Variants in SYTL2 observed in about 807,000 individuals in gnomAD.
SYTL2 encodes synaptotagmin like 2.
In SYTL2, 165 loss-of-function variants were observed where a neutral mutation model predicts 198.7. The observed-to-expected ratio is 0.83, with a 90% CI of 0.73 to 0.94. SYTL2 has a LOEUF of 0.94. Ranked by LOEUF, SYTL2 falls within the 40% of genes least tolerant of loss-of-function variation. The pLI, the probability that SYTL2 is intolerant of heterozygous loss-of-function variation, is 0.00. For missense variants in SYTL2, 2,835 were observed against 2,582.8 expected (o/e 1.10, Z -2.12); for synonymous variants, 966 against 917.7 (o/e 1.05, Z -0.95).
At chr11:85,833,665 T>C in the SYTL2 span, among the ~76,000 whole-genome samples, 1 of 151,068 alleles carries the variant, frequency 6.6e-6, no homozygotes, top group Non-Finnish European at 1.5e-5. Flanking sequence ...GGGTTGGTAA[T>C]GCTCTGAGGC....
chr11:85,842,876 G>C, the SYTL2 span, among the ~76,000 whole-genome samples: 1 of 152,224 alleles, frequency 6.6e-6, no homozygotes, highest in Non-Finnish European at 1.5e-5. Context: ...TACTAGGGAG[G>C]AGGCAGTGAA....
At chr11:85,774,643 C>T (rs1470762215) in intron 1 of SYTL2, among the ~76,000 whole-genome samples, 1 of 152,290 alleles carries the variant, frequency 6.6e-6, no homozygotes, top group East Asian at 1.9e-4. Context: ...AATTTAGAAG[C>T]TTATATAAAT....
At chr11:85,776,174 C>G (rs1187857113) in intron 1 of SYTL2, among the ~76,000 whole-genome samples, 1 of 152,194 alleles carries the variant, frequency 6.6e-6, no homozygotes, top group Non-Finnish European at 1.5e-5. Context: ...CTGCCTTCCT[C>G]TAGGAGTGGA....
At chr11:85,747,390 G>C (rs2091226922) in intron 3 of SYTL2, among the ~76,000 whole-genome samples, 1 of 152,100 alleles carries the variant, frequency 6.6e-6, no homozygotes, top group South Asian at 2.1e-4. Flanking sequence ...AAGCCCATCT[G>C]GGGTGGGATG....
chr11:85,777,513 G>A (rs1195060994), intron 1 of SYTL2, among the ~76,000 whole-genome samples: 1 of 152,076 alleles, frequency 6.6e-6, no homozygotes, highest in East Asian at 1.9e-4. Context: ...TCTGAGGCAC[G>A]AAGGGAGAGG....
chr11:85,785,515 C>A (rs2092622952), intron 1 of SYTL2, among the ~76,000 whole-genome samples: 1 of 152,162 alleles, frequency 6.6e-6, no homozygotes. Context: ...GTTGCAGAAA[C>A]TTCTTCCATT....
rs368334512 is a variant in SYTL2 at position 85,776,829 on chromosome 11, CT to C, written c.-389-18716del. 1.8e-4 allele frequency among the ~76,000 whole-genome samples: 27 copies of C among 152,184 alleles called. No homozygotes were observed. In the East Asian group the frequency reaches 4.8e-3, roughly 27 times the overall value. On this transcript the variant is annotated intron_variant, in intron 1 of 19. Transcript: ENST00000359152. ...AGATCCTTGAGGAATCACCACAAAC[CT>C]TTTTTAAAAAATAAATTACCCAGCT...
At chr11:85,808,187 C>T (rs932009339) in intron 1 of SYTL2, among the ~76,000 whole-genome samples, 2 of 152,084 alleles carry the variant, frequency 1.3e-5, no homozygotes, top group Non-Finnish European at 2.9e-5. Flanking sequence ...CTGCCTTAGC[C>T]TCCTGAGCAG....
chr11:85,822,923 G>A, the SYTL2 span, among the ~76,000 whole-genome samples: 1 of 152,250 alleles, frequency 6.6e-6, no homozygotes, highest in Admixed American at 6.5e-5. Context: ...TGGAGACAGG[G>A]CCTCCTTGTA....
chr11:85,801,986 T>C (rs189492631), intron 1 of SYTL2, among the ~76,000 whole-genome samples: 3 of 151,032 alleles, frequency 2.0e-5, no homozygotes, highest in East Asian at 2.0e-4. Context: ...GGCTAAGTTT[T>C]TGTATTTTTA....
chr11:85,756,478 C>T (rs1047466101), intron 2 of SYTL2, among the ~76,000 whole-genome samples: 8 of 152,102 alleles, frequency 5.3e-5, no homozygotes, highest in African/African-American at 1.4e-4. Context: ...AAATGAGTAC[C>T]TAAGACTGGG....
chr11:85,708,511 A>G (rs2085622240), intron 14 of SYTL2, among the ~76,000 whole-genome samples: 1 of 152,234 alleles, frequency 6.6e-6, no homozygotes, highest in Non-Finnish European at 1.5e-5. Context: ...CCTGTGATTT[A>G]AAACAATAAT....
intron 12 of SYTL2, among the ~76,000 whole-genome samples, chr11:85,713,491 T>C (rs899715430): frequency 1.1e-4 from 17 of 152,116 alleles, no homozygotes; most frequent in Admixed American, 5.2e-4. Context: ...AAAATTAGTA[T>C]CATAACCAGG....
intron 1 of SYTL2, among the ~76,000 whole-genome samples, chr11:85,760,916 T>C (rs570322848): frequency 1.3e-5 from 2 of 152,296 alleles, no homozygotes; most frequent in African/African-American, 4.8e-5. Context: ...CAGTGCCCAA[T>C]CAAACTGTAA....
At chr11:85,790,879 G>A (rs554675303) in intron 1 of SYTL2, among the ~76,000 whole-genome samples, 1 of 152,132 alleles carries the variant, frequency 6.6e-6, no homozygotes, top group African/African-American at 2.4e-5. Context: ...AGAAATATCA[G>A]TAGGCTGGGC....
the SYTL2 span, among the ~76,000 whole-genome samples, chr11:85,849,533 T>G: frequency 1.3e-5 from 2 of 152,234 alleles, no homozygotes; most frequent in African/African-American, 4.8e-5. Flanking sequence ...CCCAGCACCA[T>G]TAAATAGGGA....
chr11:85,777,908 A>T (rs1566014973), intron 1 of SYTL2, among the ~76,000 whole-genome samples: 1 of 130,200 alleles, frequency 7.7e-6, no homozygotes, highest in Non-Finnish European at 1.5e-5. Flanking sequence ...GCAACCTCTG[A>T]CTCCCTATTC....
At chr11:85,849,425 T>G in the SYTL2 span, among the ~76,000 whole-genome samples, 1 of 152,204 alleles carries the variant, frequency 6.6e-6, no homozygotes, top group African/African-American at 2.4e-5. Flanking sequence ...TGGTTTTAGG[T>G]CTAACGTTTA....
At chr11:85,704,764 T>A in intron 16 of SYTL2, 94 bp downstream of exon 16, 1 of 1,005,712 alleles carries the variant, frequency 9.9e-7, no homozygotes, top group Non-Finnish European at 1.5e-6. Flanking sequence ...AAACTACAGA[T>A]CTGTACTCTG....
Sources: gnomAD v4.1 joint callset for allele counts (sites outside exome capture counted in the v4.1 genomes callset) on GRCh38, gnomAD v4.1.1 for gene constraint, MANE v1.5 for transcripts, NCBI Gene and HGNC (gene_info 2026-07-23, HGNC 2026-07-21) for gene names.